IL1RAP: variants seen among roughly 807,000 people sequenced by gnomAD.
IL1RAP encodes interleukin 1 receptor accessory protein, also known as interleukin-1 receptor accessory protein.
IL1RAP carries 35 observed loss-of-function variants against 60.7 expected under a neutral mutation model. The ratio of observed to expected loss-of-function variants is 0.58; its 90% CI spans 0.44 to 0.76. The LOEUF (loss-of-function observed/expected upper bound fraction) is 0.76. IL1RAP is among the 30% of genes least tolerant of loss of function. The pLI, the probability that IL1RAP is intolerant of heterozygous loss-of-function variation, is 0.00. For missense variants in IL1RAP, 572 were observed against 693.9 expected (o/e 0.82, Z 1.97); for synonymous variants, 268 against 250.9 (o/e 1.07, Z -0.64).
At chr3:190,572,641 C>T (rs1727028871) in intron 3 of IL1RAP, among the ~76,000 whole-genome samples, 1 of 152,126 alleles carries the variant, frequency 6.6e-6, no homozygotes, top group African/African-American at 2.4e-5. Flanking sequence ...ATACTCCCCC[C>T]TTTTTTTCCT....
chr3:190,551,194 A>C (rs901267416), intron 1 of IL1RAP, among the ~76,000 whole-genome samples: 1 of 152,124 alleles, frequency 6.6e-6, no homozygotes, highest in African/African-American at 2.4e-5. Flanking sequence ...CTGTGTAGAC[A>C]AGAGTATGAA....
intron 5 of IL1RAP, among the ~76,000 whole-genome samples, chr3:190,617,441 A>G (rs1331420123): frequency 6.6e-6 from 1 of 152,206 alleles, no homozygotes; most frequent in African/African-American, 2.4e-5. Context: ...CACAGCAACC[A>G]TAGCATGGTT....
At position 190,521,862 on chromosome 3, in the gene IL1RAP, AG is replaced by A. The variant is rs1474034063; in HGVS notation, c.-89+7644del. ...ATAATAGAGCCTTTCTTAAAAAAAA[AG>A]CAAGTTCTGTATCACCGTTAATCTC... On this transcript the variant is annotated intron_variant, in intron 1 of 11. Transcript: ENST00000447382. Among the ~76,000 whole-genome samples the A allele has an allele frequency of 2.6e-5, 4 of 152,026 alleles. No individual in the cohort carries two copies. In the East Asian group the frequency reaches 7.7e-4, roughly 29 times the overall value.
At chr3:190,523,645 T>C (rs76635426) in intron 1 of IL1RAP, among the ~76,000 whole-genome samples, 7,861 of 152,226 alleles carry the variant, frequency 0.052, 401 homozygotes, top group African/African-American at 0.13. Context: ...TCTCTTAGTT[T>C]GCTAAGGATA....
chr3:190,607,586 G>A (rs1441366333), intron 4 of IL1RAP, among the ~76,000 whole-genome samples: 1 of 152,116 alleles, frequency 6.6e-6, no homozygotes, highest in East Asian at 1.9e-4. Context: ...ATTTAGATAT[G>A]AGGTGGGAAA....
At chr3:190,570,700 G>T (rs773555515) in intron 3 of IL1RAP, among the ~76,000 whole-genome samples, 10 of 152,064 alleles carry the variant, frequency 6.6e-5, no homozygotes, top group African/African-American at 2.4e-4. Context: ...CTAGTAGCTG[G>T]GATTACAGGC....
At chr3:190,588,185 C>T (rs1282129774) in intron 3 of IL1RAP, among the ~76,000 whole-genome samples, 1 of 152,238 alleles carries the variant, frequency 6.6e-6, no homozygotes, top group Non-Finnish European at 1.5e-5. Context: ...GCAATCTCAG[C>T]TCACTGCAAC....
At chr3:190,516,789 C>A (rs1453939662) in intron 1 of IL1RAP, among the ~76,000 whole-genome samples, 3 of 152,146 alleles carry the variant, frequency 2.0e-5, no homozygotes, top group Non-Finnish European at 4.4e-5. Context: ...AGAATAATGT[C>A]AAGTACATGT....
chr3:190,637,764 A>G (rs941072318), intron 9 of IL1RAP, among the ~76,000 whole-genome samples: 2 of 152,020 alleles, frequency 1.3e-5, no homozygotes, highest in African/African-American at 4.8e-5. Flanking sequence ...TTATCAGTCA[A>G]TCCTTTCTAC....
intron 1 of IL1RAP, among the ~76,000 whole-genome samples, chr3:190,553,601 C>T (rs2080795): frequency 6.6e-6 from 1 of 151,884 alleles, no homozygotes; most frequent in African/African-American, 2.4e-5. Context: ...CGGGATGGGA[C>T]GGGGAACGGG....
chr3:190,643,227 C>T lies in IL1RAP; in HGVS notation c.1052-1021C>T, dbSNP rs150038210. ...ATTTCTACACGGGAGAGCCAGGTTT[C>T]AATAAAAATTTTATTCTATAAAAGC... On this transcript the variant is annotated intron_variant, in intron 9 of 11. Coordinates refer to ENST00000447382, the MANE Select transcript of IL1RAP (RefSeq NM_002182.4). 8.3e-3 allele frequency among the ~76,000 whole-genome samples: 1,263 copies of T among 152,118 alleles called. 16 individuals are homozygous for T. Among genetic ancestry groups the T allele is most frequent in the African/African-American group, 0.029 (1,196 of 41,500 alleles).
chr3:190,527,556 G>C (rs1025807359), intron 1 of IL1RAP, among the ~76,000 whole-genome samples: 1 of 152,134 alleles, frequency 6.6e-6, no homozygotes, highest in East Asian at 1.9e-4. Flanking sequence ...CATGTGGAAG[G>C]CAGGAAGTTT....
Position 190,609,168 on chromosome 3 carries a change from T to C in IL1RAP, c.524T>C (p.Ile175Thr), listed in dbSNP as rs200352562. 234 of 1,609,478 alleles carry C rather than the reference T, an allele frequency of 1.5e-4. 2 individuals carry two copies. In the East Asian group the frequency reaches 5.1e-3, roughly 35 times the overall value. The part of the protein sequence containing the change: ...GYFPSSVKPT[I>T]TWYMGCYKIQ... Reference sequence around the variant, plus strand: ...TTTCCTTCCAGTGTCAAACCGACTATCACTTGGTATATGGTAAGGAAAATT... The same window carrying C: ...TTTCCTTCCAGTGTCAAACCGACTACCACTTGGTATATGGTAAGGAAAATT... The change falls in exon 5 of 12, where the codon ATC becomes ACC. Residue 175 changes from isoleucine (I) to threonine (T), a missense_variant. Transcript: ENST00000447382.
At chr3:190,595,744 C>T (rs1451590903) in intron 3 of IL1RAP, among the ~76,000 whole-genome samples, 2 of 152,134 alleles carry the variant, frequency 1.3e-5, no homozygotes, top group Admixed American at 6.5e-5. Flanking sequence ...AAGACTCTCA[C>T]CTCCACCCTC....
intron 1 of IL1RAP, among the ~76,000 whole-genome samples, chr3:190,550,171 G>A (rs1389634445): frequency 3.9e-5 from 6 of 152,206 alleles, no homozygotes; most frequent in Admixed American, 3.9e-4. Flanking sequence ...ACTGTCAGTA[G>A]CCTTGGAGTT....
Position 190,651,429 on chromosome 3 carries a change from A to G in IL1RAP, c.*2724A>G. 1.6e-6 allele frequency: 1 copy of G among 620,576 alleles called. No individual in the cohort carries two copies. The highest frequency in any genetic ancestry group is 2.0e-6 in the Non-Finnish European group (1 of 497,198). The allele number at this position is 620,576 out of a possible 1,614,324, so 38.4% of individuals were successfully genotyped here. On this transcript the variant is annotated 3_prime_UTR_variant, in exon 12 of 12. Coordinates refer to ENST00000447382, the MANE Select transcript of IL1RAP (RefSeq NM_002182.4). Reference sequence around the variant, plus strand: ...ATTTTGAGAGTGTCTTTTTTATTTCATTCATGAACTTTTGTATTTTTCATT... The same window carrying G: ...ATTTTGAGAGTGTCTTTTTTATTTCGTTCATGAACTTTTGTATTTTTCATT...
intron 3 of IL1RAP, among the ~76,000 whole-genome samples, chr3:190,568,776 A>G (rs1156907429): frequency 2.0e-5 from 3 of 152,226 alleles, no homozygotes; most frequent in African/African-American, 7.2e-5. Flanking sequence ...GGACACACAC[A>G]GGGTATACTC....
chr3:190,521,630 C>T (rs925893637), intron 1 of IL1RAP, among the ~76,000 whole-genome samples: 2 of 151,960 alleles, frequency 1.3e-5, no homozygotes, highest in Admixed American at 6.6e-5. Flanking sequence ...ATCTCATTGG[C>T]CTCGGTGAGA....
intron 2 of IL1RAP, among the ~76,000 whole-genome samples, chr3:190,559,271 T>C (rs1725684969): frequency 1.3e-5 from 2 of 152,202 alleles, no homozygotes; most frequent in African/African-American, 4.8e-5. Flanking sequence ...AGTACCTTTT[T>C]TCCTTACTTA....
Sources: allele counts gnomAD v4.1 joint callset (sites outside exome capture counted in the v4.1 genomes callset), GRCh38; gene constraint gnomAD v4.1.1; transcripts MANE v1.5; gene names NCBI Gene and HGNC (gene_info 2026-07-23, HGNC 2026-07-21).